Variants in TEX29 observed in about 807,000 individuals in gnomAD.
TEX29 encodes the protein testis expressed 29, also known as testis-expressed protein 29.
In TEX29, 26 loss-of-function variants were observed where a neutral mutation model predicts 18.2. The observed-to-expected ratio is 1.43, with a 90% CI of 1.04 to 1.98. The LOEUF (loss-of-function observed/expected upper bound fraction) is 1.98. TEX29 is among the 30% of genes most tolerant of loss of function. TEX29 has a pLI of 0.00. For missense variants in TEX29, 177 were observed against 194.2 expected, an observed-to-expected ratio of 0.91 and a Z score of 0.53; for synonymous variants, 83 against 78.5, an observed-to-expected ratio of 1.06 and a Z score of -0.31.
chr13:111,339,757 G>C (rs370319106), intron 3 of TEX29, 106 bp from the exon 4 acceptor site: 3 of 1,110,956 alleles, frequency 2.7e-6, no homozygotes, highest in Non-Finnish European at 4.1e-6. Context: ...ATGGGCAGCC[G>C]CGCCGGGAGG....
At chr13:111,324,976 G>T (rs575499770) in intron 2 of TEX29, among the ~76,000 whole-genome samples, 1 of 152,308 alleles carries the variant, frequency 6.6e-6, no homozygotes, top group East Asian at 1.9e-4. Flanking sequence ...CAGCCCCACT[G>T]TCCCTGGGGA....
At chr13:111,342,430 T>C (rs2093697980) in intron 4 of TEX29, among the ~76,000 whole-genome samples, 1 of 151,868 alleles carries the variant, frequency 6.6e-6, no homozygotes, top group Admixed American at 6.6e-5. Context: ...TGGTGGCTCA[T>C]ACTTGTAATC....
At chr13:111,318,795 C>T (rs1203119123), upstream of TEX29, among the ~76,000 whole-genome samples, 2 of 152,216 alleles carry the variant, frequency 1.3e-5, no homozygotes, top group Non-Finnish European at 2.9e-5. Flanking sequence ...GTAAAATAGC[C>T]TGGCAGGTCC....
chr13:111,331,477 C>CT (rs1476410951), intron 3 of TEX29, among the ~76,000 whole-genome samples: 2 of 151,976 alleles, frequency 1.3e-5, no homozygotes, highest in African/African-American at 4.8e-5. Flanking sequence ...AGAAATGTGA[C>CT]TTGCAAATAC....
At chr13:111,322,595 G>A (rs796074363) in intron 2 of TEX29, among the ~76,000 whole-genome samples, 1 of 152,180 alleles carries the variant, frequency 6.6e-6, no homozygotes, top group Non-Finnish European at 1.5e-5. Flanking sequence ...GTCACCCAAG[G>A]CACTGCCCAA....
chr13:111,328,105 G>A (rs1270399732), intron 2 of TEX29, 78 bp from the exon 3 acceptor site: 4 of 915,010 alleles, frequency 4.4e-6, no homozygotes, highest in Non-Finnish European at 7.2e-6. Context: ...TCCCCACACC[G>A]GTTCCCAGGT....
intron 3 of TEX29, among the ~76,000 whole-genome samples, chr13:111,335,596 A>G (rs2093688497): frequency 1.3e-5 from 2 of 152,078 alleles, no homozygotes; most frequent in Non-Finnish European, 2.9e-5. Flanking sequence ...GTTCATTTCC[A>G]TCATAGAGTT....
chr13:111,320,981 G>A, intron 2 of TEX29, 33 bp downstream of exon 2: 3 of 1,098,106 alleles, frequency 2.7e-6, no homozygotes, highest in Non-Finnish European at 4.0e-6. Flanking sequence ...GGGCGGGTGG[G>A]GTGGGGGAGC....
intron 4 of TEX29, 71 bp from the exon 5 acceptor site, chr13:111,342,685 G>A (rs865805065): frequency 2.0e-6 from 3 of 1,492,414 alleles, no homozygotes; most frequent in Non-Finnish European, 2.7e-6. Context: ...GTCCTGGTGG[G>A]TGGGAGGGAG....
intron 2 of TEX29, among the ~76,000 whole-genome samples, chr13:111,327,925 C>T (rs1595687265): frequency 2.6e-5 from 4 of 152,266 alleles, no homozygotes; most frequent in South Asian, 2.1e-4. Flanking sequence ...CGCTGCTGCG[C>T]GGAAATGTAT....
intron 5 of TEX29, among the ~76,000 whole-genome samples, chr13:111,343,394 C>T (rs2093699887): frequency 6.6e-6 from 1 of 151,766 alleles, no homozygotes; most frequent in Non-Finnish European, 1.5e-5. Context: ...TCTGTGGTGC[C>T]CTGGCCGCCT....
chr13:111,333,921 G>A (rs974658677), intron 3 of TEX29, among the ~76,000 whole-genome samples: 2 of 152,212 alleles, frequency 1.3e-5, no homozygotes, highest in Non-Finnish European at 2.9e-5. Flanking sequence ...TACAATTCGA[G>A]ATGAGATTTG....
intron 3 of TEX29, 101 bp from the exon 4 acceptor site, chr13:111,339,761 CG>C: frequency 1.7e-6 from 2 of 1,173,726 alleles, no homozygotes; most frequent in Non-Finnish European, 2.5e-6. Context: ...GCAGCCGCGC[CG>C]GGAGGGCCCG....
At chr13:111,321,253 A>G (rs1167856692) in intron 2 of TEX29, among the ~76,000 whole-genome samples, 2 of 152,242 alleles carry the variant, frequency 1.3e-5, no homozygotes, top group Non-Finnish European at 2.9e-5. Flanking sequence ...CTGAAGATCC[A>G]CTTCAACTAC....
At chr13:111,324,820 C>T (rs1393530798) in intron 2 of TEX29, among the ~76,000 whole-genome samples, 17 of 152,234 alleles carry the variant, frequency 1.1e-4, no homozygotes, top group Admixed American at 1.3e-4. Flanking sequence ...TCCTCTCCTG[C>T]TGCAGAAGCA....
chr13:111,343,600 C>G (rs907881695), intron 5 of TEX29, among the ~76,000 whole-genome samples: 9 of 152,334 alleles, frequency 5.9e-5, no homozygotes, highest in Non-Finnish European at 8.8e-5. Flanking sequence ...TTTCCTAGAT[C>G]AGCACCTTGC....
At chr13:111,329,593 C>G (rs2093679628) in intron 3 of TEX29, among the ~76,000 whole-genome samples, 1 of 151,924 alleles carries the variant, frequency 6.6e-6, no homozygotes, top group Non-Finnish European at 1.5e-5. Flanking sequence ...GAACCTAGCA[C>G]AAGCTTGGCT....
rs1595690384 is a variant in TEX29, at chr13:111,334,178, T to A, written c.170-5685T>A. Among the ~76,000 whole-genome samples, 3 of 152,334 alleles carry A rather than the reference T, an allele frequency of 2.0e-5. No individual in the cohort carries two copies. In the South Asian group the frequency reaches 6.2e-4, roughly 32 times the overall value. ...TTTTTCTTTCTTGAAAATTGGACAT[T>A]TTAGGTAAGATAATATAGCACCTCT... On this transcript the variant is annotated intron_variant, in intron 3 of 5. Coordinates refer to ENST00000283547, the MANE Select transcript of TEX29 (RefSeq NM_152324.3).
intron 1 of TEX29, 38 bp from the exon 2 acceptor site, chr13:111,320,819 C>G: frequency 6.2e-7 from 1 of 1,602,944 alleles, no homozygotes; most frequent in Non-Finnish European, 8.5e-7. Flanking sequence ...AACGACGTCC[C>G]CAGGGCCCCG....
Sources: allele counts gnomAD v4.1 joint callset (sites outside exome capture counted in the v4.1 genomes callset), GRCh38; gene constraint gnomAD v4.1.1; transcripts MANE v1.5; gene names NCBI Gene and HGNC (gene_info 2026-07-23, HGNC 2026-07-21).